Variants in MEGF9 observed in about 807,000 individuals in gnomAD.
MEGF9 encodes multiple EGF like domains 9.
In MEGF9, 6 loss-of-function variants were observed where a neutral mutation model predicts 46.8. The ratio of observed to expected loss-of-function variants is 0.13; its 90% confidence interval spans 0.07 to 0.25. The LOEUF is 0.25. MEGF9 is among the 10% of genes least tolerant of loss of function. MEGF9 has a pLI of 1.00. For synonymous variants in MEGF9, 302 were observed against 330.7 expected, an observed-to-expected ratio of 0.91 and a Z score of 0.94; for missense variants, 683 against 792.4, an observed-to-expected ratio of 0.86 and a Z score of 1.66.
rs182587234 is a variant in MEGF9, at chr9:120,604,045, T to A, written c.*1145A>T. The A allele has an allele frequency of 6.5e-6, 1 of 152,700 alleles. No individual in the cohort carries two copies. Among genetic ancestry groups the A allele is most frequent in the Non-Finnish European group, 1.5e-5 (1 of 68,050 alleles). The allele number at this position is 152,700 out of a possible 1,614,324, so 9.5% of individuals were successfully genotyped here. On this transcript the variant is annotated 3_prime_UTR_variant, in exon 6 of 6. Transcript: ENST00000373930. ...TTTTTAATGAGGATATGTTTTATATTAATCTATGTAAAATATATAGGGTGG... is the reference window on the plus strand; with the variant it reads ...TTTTTAATGAGGATATGTTTTATATAAATCTATGTAAAATATATAGGGTGG...
intron 3 of MEGF9, among the ~76,000 whole-genome samples, chr9:120,622,212 C>T (rs1003883874): frequency 2.6e-5 from 4 of 152,120 alleles, no homozygotes; most frequent in African/African-American, 9.7e-5. Flanking sequence ...TCATGCAAGC[C>T]TCAAATGACT....
rs181307130 is a variant in MEGF9 at position 120,657,110 on chromosome 9, G to A, written c.803+2264C>T. Among the ~76,000 whole-genome samples, 110 of 152,272 alleles carry A rather than the reference G, an allele frequency of 7.2e-4. 1 individual carries two copies. The highest frequency in any genetic ancestry group is 2.7e-3 in the Admixed American group (42 of 15,298). Reference sequence around the variant, plus strand: ...ACAGTCTCTATCACAACTAGTCAATGCTGCCACTATAGCACAAAAGCAGCC... The same window carrying A: ...ACAGTCTCTATCACAACTAGTCAATACTGCCACTATAGCACAAAAGCAGCC... On this transcript the variant is annotated intron_variant, in intron 2 of 5. Coordinates refer to ENST00000373930, the MANE Select transcript of MEGF9 (RefSeq NM_001080497.3).
intron 1 of MEGF9, among the ~76,000 whole-genome samples, chr9:120,672,085 T>C (rs906290992): frequency 6.6e-6 from 1 of 152,164 alleles, no homozygotes; most frequent in Non-Finnish European, 1.5e-5. Context: ...AAACTATGAA[T>C]AGAAGGAAAC....
At chr9:120,611,864 A>AAGGAAGGAAGG (rs1564411706) in intron 4 of MEGF9, among the ~76,000 whole-genome samples, 8 of 124,902 alleles carry the variant, frequency 6.4e-5, no homozygotes, top group African/African-American at 2.7e-4. Context: ...AGGAAGGAAG[A>AAGGAAGGAAGG]AAGAGAGAGA....
chr9:120,619,544 A>C (rs756931598), intron 3 of MEGF9, among the ~76,000 whole-genome samples: 2 of 152,228 alleles, frequency 1.3e-5, no homozygotes, highest in Non-Finnish European at 2.9e-5. Flanking sequence ...AACTTGCTCA[A>C]GGTAAGGTCA....
chr9:120,641,047 T>C (rs113930486), intron 2 of MEGF9, among the ~76,000 whole-genome samples: 6,219 of 152,254 alleles, frequency 0.041, 417 homozygotes, highest in African/African-American at 0.14. Flanking sequence ...TTTGTTCTTT[T>C]TTACAGCTGC....
chr9:120,649,972 A>G (rs2043642615), intron 2 of MEGF9, among the ~76,000 whole-genome samples: 1 of 152,224 alleles, frequency 6.6e-6, no homozygotes, highest in Non-Finnish European at 1.5e-5. Flanking sequence ...ATACATTAAA[A>G]AGTCTCAAAT....
At position 120,650,117 on chromosome 9, in the gene MEGF9, AT is replaced by A. The variant is rs201357992; in HGVS notation, c.803+9256del. 8.9e-4 allele frequency among the ~76,000 whole-genome samples: 136 copies of A among 152,194 alleles called. 1 individual carries two copies. In the East Asian group the frequency reaches 0.021, roughly 23 times the overall value. On this transcript the variant is annotated intron_variant, in intron 2 of 5. Coordinates refer to ENST00000373930, the MANE Select transcript of MEGF9 (RefSeq NM_001080497.3). ...CCGTCTCTACTAAAAATACAAAAAAATATTAGCCGGGCGTGGTGGCGGGTGC... is the reference window on the plus strand; with the variant it reads ...CCGTCTCTACTAAAAATACAAAAAAAATTAGCCGGGCGTGGTGGCGGGTGC...
intron 2 of MEGF9, among the ~76,000 whole-genome samples, chr9:120,647,586 T>C (rs10984972): frequency 0.59 from 89,385 of 151,988 alleles, 29,021 homozygotes; most frequent in South Asian, 0.75. Flanking sequence ...AAACTAGAGA[T>C]TGGTATAATT....
At chr9:120,673,240 T>C (rs1376632650) in intron 1 of MEGF9, among the ~76,000 whole-genome samples, 1 of 152,042 alleles carries the variant, frequency 6.6e-6, no homozygotes, top group African/African-American at 2.4e-5. Context: ...TCTAAAAATA[T>C]GGAAGACATA....
intron 1 of MEGF9, among the ~76,000 whole-genome samples, chr9:120,681,950 C>T (rs569206961): frequency 1.3e-5 from 2 of 152,160 alleles, no homozygotes; most frequent in Non-Finnish European, 2.9e-5. Flanking sequence ...ATGTCATGTC[C>T]TCTTTGTAAA....
At chr9:120,624,204 C>T (rs752160349) in intron 2 of MEGF9, among the ~76,000 whole-genome samples, 4 of 152,100 alleles carry the variant, frequency 2.6e-5, no homozygotes, top group Non-Finnish European at 4.4e-5. Flanking sequence ...AGTGTACATA[C>T]CATGCTTTAT....
intron 1 of MEGF9, among the ~76,000 whole-genome samples, chr9:120,670,398 C>G (rs1034444043): frequency 6.6e-6 from 1 of 152,020 alleles, no homozygotes; most frequent in African/African-American, 2.4e-5. Flanking sequence ...TGCCCGGCCT[C>G]TAAAAGTTCT....
intron 2 of MEGF9, among the ~76,000 whole-genome samples, chr9:120,655,568 T>C (rs1564421625): frequency 6.6e-6 from 1 of 152,192 alleles, no homozygotes; most frequent in South Asian, 2.1e-4. Context: ...GCATGAATCG[T>C]CCATCACTGA....
intron 1 of MEGF9, among the ~76,000 whole-genome samples, chr9:120,667,011 G>A (rs1057382119): frequency 8.5e-5 from 13 of 152,132 alleles, no homozygotes; most frequent in Non-Finnish European, 1.6e-4. Flanking sequence ...GATTATACAT[G>A]TATCAACACT....
chr9:120,631,936 C>A (rs2043552445), intron 2 of MEGF9, among the ~76,000 whole-genome samples: 1 of 151,512 alleles, frequency 6.6e-6, no homozygotes, highest in Admixed American at 6.6e-5. Context: ...TTCTCCTCCT[C>A]CTCTTTTTTT....
At chr9:120,612,345 A>G in intron 4 of MEGF9, 51 bp downstream of exon 4, 1 of 1,577,814 alleles carries the variant, frequency 6.3e-7, no homozygotes, top group African/African-American at 1.4e-5. Context: ...ATACCTATTG[A>G]TAACTGATTT....
intron 1 of MEGF9, among the ~76,000 whole-genome samples, chr9:120,662,634 A>T (rs1361663552): frequency 1.3e-5 from 2 of 152,182 alleles, no homozygotes; most frequent in Non-Finnish European, 2.9e-5. Flanking sequence ...TAGCTATACC[A>T]CTCAGTCCCA....
At chr9:120,641,827 G>T (rs1056016568) in intron 2 of MEGF9, among the ~76,000 whole-genome samples, 1 of 152,080 alleles carries the variant, frequency 6.6e-6, no homozygotes, top group East Asian at 1.9e-4. Context: ...CCTGAATTTG[G>T]TATCAATTCT....
Sources: gnomAD v4.1 joint callset for allele counts (sites outside exome capture counted in the v4.1 genomes callset) on GRCh38, gnomAD v4.1.1 for gene constraint, MANE v1.5 for transcripts, NCBI Gene and HGNC (gene_info 2026-07-23, HGNC 2026-07-21) for gene names.